The following RAD51B variants were observed in gnomAD, a reference collection of about 807,000 sequenced individuals.
RAD51B encodes DNA repair protein RAD51 homolog 2.
Under a neutral mutation model 42.2 loss-of-function variants are expected in RAD51B, and 38 were observed. The ratio of observed to expected loss-of-function variants is 0.90; its 90% CI spans 0.70 to 1.18. RAD51B has a LOEUF of 1.18. Ranked by LOEUF, RAD51B falls within the 50% of genes most tolerant of loss-of-function variation. The pLI is 0.00. For missense variants in RAD51B, 373 were observed against 400.7 expected (o/e 0.93, Z 0.59); for synonymous variants, 154 against 145.2 (o/e 1.06, Z -0.43).
At chr14:68,478,195 G>A (rs1474083521), downstream of RAD51B, 13 of 1,011,740 alleles carry the variant, frequency 1.3e-5, no homozygotes, top group Non-Finnish European at 1.5e-5. Context: ...CATGGGCAAG[G>A]GGGTCGACTC....
intron 7 of RAD51B, among the ~76,000 whole-genome samples, chr14:68,192,400 TATGTTGGCTTC>T (rs1379612931): frequency 1.3e-5 from 2 of 152,198 alleles, no homozygotes; most frequent in Non-Finnish European, 2.9e-5. Context: ...TTAAATAGTA[TATGTTGGCTTC>T]TCTGAAAACA....
At chr14:68,615,240 G>T (rs1891801560), downstream of RAD51B, among the ~76,000 whole-genome samples, 1 of 152,138 alleles carries the variant, frequency 6.6e-6, no homozygotes, top group Admixed American at 6.5e-5. Flanking sequence ...AACTATGACT[G>T]TGGTTTTGTC....
chr14:68,665,618 T>A (rs927059123), intron 11 of RAD51B, among the ~76,000 whole-genome samples: 2 of 152,164 alleles, frequency 1.3e-5, no homozygotes, highest in Non-Finnish European at 2.9e-5. Context: ...CTGGCAGTGG[T>A]GATTATACCA....
At chr14:68,378,605 A>G (rs539797520) in intron 8 of RAD51B, among the ~76,000 whole-genome samples, 127 of 152,098 alleles carry the variant, frequency 8.3e-4, no homozygotes, top group Non-Finnish European at 1.4e-3. Context: ...ACCTCATACA[A>G]TGTAAATGCT....
chr14:67,837,329 A>T (rs1005543275), intron 4 of RAD51B, among the ~76,000 whole-genome samples: 10 of 151,220 alleles, frequency 6.6e-5, no homozygotes, highest in African/African-American at 2.5e-4. Flanking sequence ...TTTAAATAGC[A>T]AAAACATTGA....
intron 10 of RAD51B, among the ~76,000 whole-genome samples, chr14:68,523,359 G>T (rs1226669450): frequency 6.6e-6 from 1 of 152,190 alleles, no homozygotes; most frequent in Non-Finnish European, 1.5e-5. Flanking sequence ...GGCATGGTGG[G>T]GTTGAAGCTG....
In RAD51B at chr14:68,131,599, G is replaced by T. The variant is rs2077893852; in HGVS notation, c.757-160285G>T. Among the ~76,000 whole-genome samples the T allele has an allele frequency of 1.3e-5, 2 of 152,192 alleles. 1 individual carries two copies. Among genetic ancestry groups the T allele is most frequent in the South Asian group, 4.1e-4 (2 of 4,826 alleles). ...TAATCCCAGCCACTTGGGAGGCTGAGGCAGGAAAATCGCTTGAACCCAGTG... is the reference window on the plus strand; with the variant it reads ...TAATCCCAGCCACTTGGGAGGCTGATGCAGGAAAATCGCTTGAACCCAGTG... On this transcript the variant is annotated intron_variant, in intron 7 of 10. Transcript: ENST00000471583.
chr14:68,435,483 T>C (rs2085122732), intron 9 of RAD51B, among the ~76,000 whole-genome samples: 2 of 144,352 alleles, frequency 1.4e-5, no homozygotes, highest in Admixed American at 1.4e-4. Flanking sequence ...TAAGTACATG[T>C]GGTTTTTGGT....
chr14:67,863,150 A>ATTTTTTTTTTTTTTTTTTTTTTTTTTTTT (rs5809367), intron 4 of RAD51B, among the ~76,000 whole-genome samples: 1 of 74,030 alleles, frequency 1.4e-5, no homozygotes, highest in Non-Finnish European at 2.8e-5. Flanking sequence ...AAATATGGGA[A>ATTTTTTTTTTTTTTTTTTTTTTTTTTTTT]TTTTTTTTTT....
intron 11 of RAD51B, among the ~76,000 whole-genome samples, chr14:68,667,496 A>G (rs1387843186): frequency 7.0e-6 from 1 of 142,102 alleles, no homozygotes; most frequent in Non-Finnish European, 1.6e-5. Flanking sequence ...CAAGTATTTG[A>G]CCAAATAGCT....
intron 10 of RAD51B, among the ~76,000 whole-genome samples, chr14:68,572,320 C>T (rs1422340665): frequency 1.3e-5 from 2 of 152,258 alleles, no homozygotes; most frequent in Admixed American, 6.5e-5. Flanking sequence ...GGGCCCTGCC[C>T]AGCTGCCTCC....
intron 7 of RAD51B, among the ~76,000 whole-genome samples, chr14:67,980,923 G>C (rs890688306): frequency 6.6e-6 from 1 of 152,112 alleles, no homozygotes; most frequent in African/African-American, 2.4e-5. Flanking sequence ...CTCTTGAAAA[G>C]AGAATGAGAA....
chr14:68,037,580 T>A (rs2076154039), intron 7 of RAD51B, among the ~76,000 whole-genome samples: 1 of 152,136 alleles, frequency 6.6e-6, no homozygotes, highest in Non-Finnish European at 1.5e-5. Flanking sequence ...ACCTGAGTTA[T>A]AATTCAGAAG....
chr14:68,637,893 A>G (rs756778711), intron 10 of RAD51B, among the ~76,000 whole-genome samples: 1 of 152,206 alleles, frequency 6.6e-6, no homozygotes. Flanking sequence ...ACATTTTAGC[A>G]CAACTGCAAA....
Position 68,642,837 on chromosome 14 carries a change from C to T in RAD51B, c.1037-7944C>T, listed in dbSNP as rs770391626. On this transcript the variant is annotated intron_variant, in intron 10 of 11. Transcript: ENST00000488612. ...CTTAAATCCAAGTATTTTTAAATTT[C>T]GTCTAAGATTTCTTTTTTGACCCAT... is the stretch of plus-strand genomic sequence containing the variant. 7.2e-5 allele frequency among the ~76,000 whole-genome samples: 11 copies of T among 152,248 alleles called. 1 individual carries two copies. Among genetic ancestry groups the T allele is most frequent in the South Asian group, 4.1e-4 (2 of 4,826 alleles).
chr14:68,648,023 G>GTA (rs1398832977), intron 10 of RAD51B, among the ~76,000 whole-genome samples: 2,558 of 28,616 alleles, frequency 0.089, 229 homozygotes, highest in African/African-American at 0.3. Flanking sequence ...ATATATATAC[G>GTA]TATATATATA....
chr14:68,489,807 TTTTC>T (rs1883924473), intron 10 of RAD51B, among the ~76,000 whole-genome samples: 1 of 152,236 alleles, frequency 6.6e-6, no homozygotes, highest in African/African-American at 2.4e-5. Flanking sequence ...GAGTTTTTCT[TTTTC>T]TTTCTTTTTT....
chr14:68,549,197 C>A (rs1316977743), intron 10 of RAD51B, among the ~76,000 whole-genome samples: 7 of 151,742 alleles, frequency 4.6e-5, no homozygotes, highest in African/African-American at 1.7e-4. Context: ...GTGACTGAGT[C>A]AGACTTGGAA....
At chr14:67,999,574 A>G (rs1410814663) in intron 7 of RAD51B, among the ~76,000 whole-genome samples, 1 of 152,342 alleles carries the variant, frequency 6.6e-6, no homozygotes, top group East Asian at 1.9e-4. Flanking sequence ...TCCCAACTCC[A>G]TGACTTACTA....
Sources: allele counts gnomAD v4.1 joint callset (sites outside exome capture counted in the v4.1 genomes callset), GRCh38; gene constraint gnomAD v4.1.1; transcripts MANE v1.5; gene names NCBI Gene and HGNC (gene_info 2026-07-23, HGNC 2026-07-21).